NINL: variants seen among roughly 807,000 people sequenced by gnomAD.
NINL encodes ninein-like protein.
NINL carries 153 observed loss-of-function variants against 160.3 expected under a neutral mutation model. The observed-to-expected ratio is 0.95, with a 90% CI of 0.84 to 1.09. The LOEUF is 1.09. Among genes scored for constraint, NINL ranks in the 50% least tolerant of loss-of-function variants. The probability of loss-of-function intolerance (pLI) is 0.00; values close to 1 mark genes in which losing one functional copy is unlikely to be tolerated. For missense variants in NINL, 1,829 were observed against 1,764.0 expected (o/e 1.04, Z -0.66); for synonymous variants, 800 against 734.8 (o/e 1.09, Z -1.43).
intron 3 of NINL, among the ~76,000 whole-genome samples, chr20:25,514,107 T>C (rs1206966973): frequency 6.6e-6 from 1 of 152,238 alleles, no homozygotes; most frequent in Non-Finnish European, 1.5e-5. Context: ...TGTAACCTTC[T>C]AGAGACTTGT....
chr20:25,486,630 C>T (rs964844999), intron 13 of NINL, among the ~76,000 whole-genome samples: 9 of 150,084 alleles, frequency 6.0e-5, no homozygotes, highest in African/African-American at 2.2e-4. Context: ...CATAGGATTT[C>T]AAAAGGAGAA....
intron 1 of NINL, among the ~76,000 whole-genome samples, chr20:25,570,628 C>T (rs943601359): frequency 2.0e-5 from 3 of 148,092 alleles, no homozygotes; most frequent in African/African-American, 7.7e-5. Context: ...AGTGCGAGAA[C>T]GAACTAATAC....
At chr20:25,483,006 C>A (rs1445567551) in intron 13 of NINL, among the ~76,000 whole-genome samples, 1 of 146,482 alleles carries the variant, frequency 6.8e-6, no homozygotes, top group Non-Finnish European at 1.5e-5. Context: ...CCAGCCTGAG[C>A]AAAAAGAGCA....
chr20:25,559,072 A>C (rs1271584264), intron 1 of NINL, among the ~76,000 whole-genome samples: 1 of 152,184 alleles, frequency 6.6e-6, no homozygotes, highest in African/African-American at 2.4e-5. Flanking sequence ...AGAGACTTGC[A>C]CAACTTTGCT....
Position 25,478,110 on chromosome 20 carries a change from A to T in NINL, c.2201+813T>A, listed in dbSNP as rs1235393780. Among the ~76,000 whole-genome samples, 277 of 152,028 alleles carry T rather than the reference A, an allele frequency of 1.8e-3. 2 individuals carry two copies. The highest frequency in any genetic ancestry group is 6.4e-3 in the African/African-American group (265 of 41,478). Reference sequence around the variant, plus strand: ...ATTACAGGCGCCTGCTACCATGCTCAGCTAATTTTTTGTGTTTTTAGTAGA... The same window carrying T: ...ATTACAGGCGCCTGCTACCATGCTCTGCTAATTTTTTGTGTTTTTAGTAGA... On this transcript the variant is annotated intron_variant, in intron 16 of 23. Transcript: ENST00000278886.
intron 1 of NINL, among the ~76,000 whole-genome samples, chr20:25,556,491 C>T (rs907683493): frequency 2.6e-5 from 4 of 151,712 alleles, no homozygotes; most frequent in Non-Finnish European, 4.4e-5. Flanking sequence ...TGGGCATGGT[C>T]ATGTGCAACT....
chr20:25,521,037 G>A (rs1050208572), intron 2 of NINL, among the ~76,000 whole-genome samples: 1 of 152,156 alleles, frequency 6.6e-6, no homozygotes, highest in African/African-American at 2.4e-5. Flanking sequence ...TCCTGAAAAT[G>A]TTTTAGCTAT....
chr20:25,477,503 C>CA lies in NINL; in HGVS notation c.2202-415dup, dbSNP rs1198791107. Among the ~76,000 whole-genome samples the CA allele has an allele frequency of 2.6e-5, 4 of 152,208 alleles. No homozygotes were observed. In the East Asian group the frequency reaches 5.8e-4, roughly 22 times the overall value. On this transcript the variant is annotated intron_variant, in intron 16 of 23. Transcript: ENST00000278886. ...CACGATAGCGCTGGAGACCCAGAGC[C>CA]AAAACTGTCCCCTAATTCCCTGAAG...
At chr20:25,467,622 C>T (rs1220438657) in intron 18 of NINL, among the ~76,000 whole-genome samples, 164 bp from the exon 19 acceptor site, 4 of 152,134 alleles carry the variant, frequency 2.6e-5, no homozygotes, top group Non-Finnish European at 5.9e-5. Flanking sequence ...CTGCTGTTGC[C>T]ACTACTAATG....
chr20:25,549,602 T>C (rs940996650), intron 1 of NINL, among the ~76,000 whole-genome samples: 7 of 152,222 alleles, frequency 4.6e-5, no homozygotes, highest in African/African-American at 1.7e-4. Context: ...GAGTTTTTAT[T>C]TTACATCCAA....
At chr20:25,474,949 AT>A (rs2063194677) in intron 17 of NINL, among the ~76,000 whole-genome samples, 1 of 151,652 alleles carries the variant, frequency 6.6e-6, no homozygotes, top group African/African-American at 2.4e-5. Context: ...CACCACACTA[AT>A]TTTTGTATTT....
chr20:25,509,760 T>C (rs1038368616), intron 5 of NINL: 2 of 456,316 alleles, frequency 4.4e-6, no homozygotes, highest in Non-Finnish European at 4.4e-6. Flanking sequence ...ATTGTTTGCA[T>C]AGGTGTTGGT....
chr20:25,518,300 A>C (rs1221852696), intron 2 of NINL, among the ~76,000 whole-genome samples: 1 of 152,048 alleles, frequency 6.6e-6, no homozygotes, highest in Non-Finnish European at 1.5e-5. Context: ...GCTTGGTTTC[A>C]TTTGGCTTCT....
rs771765240 is a variant in NINL, at chr20:25,462,444, C to T, written c.3521G>A (p.Arg1174His). 46 of 1,614,072 alleles carry T rather than the reference C, an allele frequency of 2.8e-5. No homozygotes were observed. The highest frequency in any genetic ancestry group is 1.3e-4 in the Admixed American group (8 of 59,998). ...STHQAQNEEH[R>H]VTIQMLTQSL... ...CTGTGTTAACATCTGAATGGTCACA[C>T]GATGCTCCTCGTTTTGGGCCTGGTG... The change falls in exon 20 of 24, where the codon CGT (arginine) becomes CAT (histidine). Residue 1174 changes from arginine to histidine, a missense_variant. By Grantham distance (29) the Arg-to-His change is conservative. Coordinates refer to ENST00000278886, the MANE Select transcript of NINL (RefSeq NM_025176.6).
intron 1 of NINL, among the ~76,000 whole-genome samples, chr20:25,579,672 C>A (rs190696982): frequency 1.3e-5 from 2 of 152,198 alleles, no homozygotes; most frequent in Non-Finnish European, 2.9e-5. Context: ...AGCTGTCACT[C>A]CTCATTCTTC....
intron 20 of NINL, 125 bp from the exon 21 acceptor site, chr20:25,461,760 CACCA>C: frequency 1.5e-6 from 1 of 665,076 alleles, no homozygotes; most frequent in Non-Finnish European, 2.6e-6. Context: ...CCTGTGAACC[CACCA>C]ACCAAGGCCG....
chr20:25,523,625 T>C (rs1008600284), intron 2 of NINL, among the ~76,000 whole-genome samples: 1 of 151,960 alleles, frequency 6.6e-6, no homozygotes, highest in Non-Finnish European at 1.5e-5. Context: ...CTACAAGGAC[T>C]GGATATGTAG....
Position 25,453,478 on chromosome 20 carries a change from C to T in NINL, c.4122G>A (p.Arg1374=), listed in dbSNP as rs754986334. The T allele has an allele frequency of 4.3e-6, 7 of 1,612,144 alleles. No homozygotes were observed. The highest frequency in any genetic ancestry group is 5.9e-6 in the Non-Finnish European group (7 of 1,179,220). Residue 1374 remains arginine (R), a synonymous_variant, in exon 24 of 24, where the codon AGG becomes AGA. Transcript: ENST00000278886. ...KVRALNKLVS[R]IAPAALSV ...ACACAGAGAGGGCTGCGGGGGCAAT[C>T]CTACTGACGAGTTTGTTGAGAGCGC...
At chr20:25,553,234 G>A (rs918398591) in intron 1 of NINL, among the ~76,000 whole-genome samples, 1 of 149,842 alleles carries the variant, frequency 6.7e-6, no homozygotes, top group African/African-American at 2.5e-5. Flanking sequence ...GCCCAAGTGG[G>A]TGGGACTACA....
Sources: gnomAD v4.1 joint callset for allele counts (sites outside exome capture counted in the v4.1 genomes callset) on GRCh38, gnomAD v4.1.1 for gene constraint, MANE v1.5 for transcripts, NCBI Gene and HGNC (gene_info 2026-07-23, HGNC 2026-07-21) for gene names.